The following CAMTA1 variants were observed in gnomAD, a reference collection of about 807,000 sequenced individuals.
CAMTA1 encodes calmodulin-binding transcription activator 1.
In CAMTA1, 27 loss-of-function variants were observed where a neutral mutation model predicts 170.9. The ratio of observed to expected loss-of-function variants is 0.16; its 90% CI spans 0.12 to 0.22. The LOEUF is 0.22. Among genes scored for constraint, CAMTA1 ranks in the 10% least tolerant of loss-of-function variants. The pLI, the probability that CAMTA1 is intolerant of heterozygous loss-of-function variation, is 1.00. For missense variants in CAMTA1, 1,619 were observed against 2,217.2 expected (o/e 0.73, Z 5.42); for synonymous variants, 833 against 891.5 (o/e 0.93, Z 1.17).
At chr1:6,840,808 G>A (rs1352270273) in intron 3 of CAMTA1, among the ~76,000 whole-genome samples, 1 of 152,214 alleles carries the variant, frequency 6.6e-6, no homozygotes, top group Non-Finnish European at 1.5e-5. Flanking sequence ...AGCCAGGGAG[G>A]CAGTGCTGAG....
At chr1:7,398,694 C>T (rs2089644241) in intron 5 of CAMTA1, among the ~76,000 whole-genome samples, 1 of 151,922 alleles carries the variant, frequency 6.6e-6, no homozygotes, top group Non-Finnish European at 1.5e-5. Flanking sequence ...TTTTTTGGCT[C>T]TTTTGTACAT....
chr1:6,893,700 G>T, intron 3 of CAMTA1, among the ~76,000 whole-genome samples: 1 of 152,148 alleles, frequency 6.6e-6, no homozygotes, highest in African/African-American at 2.4e-5. Flanking sequence ...GTTGGCTGGT[G>T]GGTTTAGCTG....
chr1:6,904,213 C>T (rs986707785), intron 3 of CAMTA1, among the ~76,000 whole-genome samples: 1 of 152,184 alleles, frequency 6.6e-6, no homozygotes, highest in African/African-American at 2.4e-5. Context: ...TCACTGAACA[C>T]GCTTAGTTAT....
rs903062218 is a variant in CAMTA1, at chr1:7,644,850, G to A, written c.664+4297G>A. 4.6e-5 allele frequency among the ~76,000 whole-genome samples: 7 copies of A among 152,184 alleles called. No individual in the cohort carries two copies. In the East Asian group the frequency reaches 1.3e-3, roughly 29 times the overall value. ...GAGGTTCTGCATGTGAATCATTCAG[G>A]GCTGAGTAGAGCTGTGCTTAGCCTG... On this transcript the variant is annotated intron_variant, in intron 7 of 22. Coordinates refer to ENST00000303635, the MANE Select transcript of CAMTA1 (RefSeq NM_015215.4).
intron 4 of CAMTA1, among the ~76,000 whole-genome samples, chr1:7,119,952 G>C (rs184067635): frequency 6.6e-6 from 1 of 152,208 alleles, no homozygotes; most frequent in African/African-American, 2.4e-5. Context: ...ACTCCCCCAA[G>C]GAACCCTCAT....
At position 7,230,284 on chromosome 1, in the gene CAMTA1, A is replaced by G. The variant is rs539203803; in HGVS notation, c.303-19207A>G. 2.6e-5 allele frequency among the ~76,000 whole-genome samples: 4 copies of G among 152,258 alleles called. No homozygotes were observed. The South Asian group carries it at 8.3e-4, about 32-fold the overall frequency. ...TTTGAGAGAGCTCTGGGAAGCAGGA[A>G]TGAGGCCGGGGTCTGGGGAGGAGGG... On this transcript the variant is annotated intron_variant, in intron 4 of 22. Coordinates refer to ENST00000303635, the MANE Select transcript of CAMTA1 (RefSeq NM_015215.4).
intron 4 of CAMTA1, among the ~76,000 whole-genome samples, chr1:7,117,185 G>A (rs1439387641): frequency 6.6e-6 from 1 of 150,840 alleles, no homozygotes; most frequent in Non-Finnish European, 1.5e-5. Context: ...TGGCCAGGCT[G>A]GTCTTGAACT....
At chr1:7,607,494 G>A (rs183006309) in intron 6 of CAMTA1, among the ~76,000 whole-genome samples, 2 of 152,096 alleles carry the variant, frequency 1.3e-5, no homozygotes, top group African/African-American at 4.8e-5. Context: ...TAGATGGATA[G>A]ATAGTCAATA....
At chr1:6,817,301 T>C (rs1645942925) in intron 1 of CAMTA1, among the ~76,000 whole-genome samples, 1 of 152,226 alleles carries the variant, frequency 6.6e-6, no homozygotes, top group Non-Finnish European at 1.5e-5. Context: ...CCAGGAAATG[T>C]TAAGCCTTGA....
At chr1:6,880,354 A>G (rs1370776595) in intron 3 of CAMTA1, among the ~76,000 whole-genome samples, 3 of 142,134 alleles carry the variant, frequency 2.1e-5, no homozygotes, top group African/African-American at 5.3e-5. Flanking sequence ...GGTTACAGGC[A>G]TGAGCCACCA....
chr1:7,042,588 G>C (rs1392463005), intron 3 of CAMTA1, among the ~76,000 whole-genome samples: 2 of 152,220 alleles, frequency 1.3e-5, no homozygotes, highest in African/African-American at 2.4e-5. Context: ...TCTAAGCCTG[G>C]CATTGAGATG....
In CAMTA1 at chr1:7,397,079, A is replaced by G. The variant is rs1163587133; in HGVS notation, c.439-70751A>G. 2.0e-5 allele frequency among the ~76,000 whole-genome samples: 3 copies of G among 152,178 alleles called. No homozygotes were observed. The East Asian group carries it at 5.8e-4, about 29-fold the overall frequency. On this transcript the variant is annotated intron_variant, in intron 5 of 22. Transcript: ENST00000303635. ...CGTTTGGAAAACATTGGTAATAGTT[A>G]TTTAAATATTTGGTAGAACTCAGCA...
intron 4 of CAMTA1, among the ~76,000 whole-genome samples, chr1:7,214,858 T>A (rs908250221): frequency 1.3e-4 from 10 of 78,734 alleles, no homozygotes; most frequent in African/African-American, 8.3e-4. Flanking sequence ...TTTCTTTCTT[T>A]CTTTTTTTTT....
At chr1:7,145,031 C>T (rs567885411) in intron 4 of CAMTA1, among the ~76,000 whole-genome samples, 6 of 152,344 alleles carry the variant, frequency 3.9e-5, no homozygotes, top group South Asian at 2.1e-4. Flanking sequence ...GGGTCCCTTT[C>T]GGTGCCTCAC....
At position 7,601,485 on chromosome 1, in the gene CAMTA1, C is replaced by T. The variant is rs1389915478; in HGVS notation, c.511-38915C>T. Among the ~76,000 whole-genome samples the T allele has an allele frequency of 3.3e-5, 5 of 152,054 alleles. No individual in the cohort carries two copies. The East Asian group carries it at 7.8e-4, about 24-fold the overall frequency. ...GGCAGCCAGGCAGAGAGGCTCCTCACATCCCAGACGATGGGCGGCCAGGCA... is the reference window on the plus strand; with the variant it reads ...GGCAGCCAGGCAGAGAGGCTCCTCATATCCCAGACGATGGGCGGCCAGGCA... On this transcript the variant is annotated intron_variant, in intron 6 of 22. Transcript: ENST00000303635.
At chr1:7,408,939 C>T (rs1488685463) in intron 5 of CAMTA1, among the ~76,000 whole-genome samples, 1 of 152,216 alleles carries the variant, frequency 6.6e-6, no homozygotes, top group Admixed American at 6.5e-5. Context: ...TTCCAACCTC[C>T]CTGCCCATAT....
chr1:7,180,130 G>T (rs1260094593), intron 4 of CAMTA1, among the ~76,000 whole-genome samples: 1 of 152,156 alleles, frequency 6.6e-6, no homozygotes, highest in Non-Finnish European at 1.5e-5. Flanking sequence ...ACTTTGGGAG[G>T]CTGAGGCGGG....
At chr1:7,316,477 A>G (rs78891128) in intron 5 of CAMTA1, among the ~76,000 whole-genome samples, 1,974 of 152,336 alleles carry the variant, frequency 0.013, 36 homozygotes, top group African/African-American at 0.045. Flanking sequence ...TAGTCAGCAG[A>G]ATGCTTGACG....
At chr1:7,476,811 C>T (rs551775521) in intron 6 of CAMTA1, among the ~76,000 whole-genome samples, 29 of 152,344 alleles carry the variant, frequency 1.9e-4, no homozygotes, top group South Asian at 1.5e-3. Flanking sequence ...CATCCTCATC[C>T]TGTCACCAGT....
Sources: gnomAD v4.1 joint callset for allele counts (sites outside exome capture counted in the v4.1 genomes callset) on GRCh38, gnomAD v4.1.1 for gene constraint, MANE v1.5 for transcripts, NCBI Gene and HGNC (gene_info 2026-07-23, HGNC 2026-07-21) for gene names.